The following HSF2BP variants were observed in gnomAD, a reference collection of about 807,000 sequenced individuals.
HSF2BP encodes heat shock transcription factor 2 binding protein.
In HSF2BP, 35 loss-of-function variants were observed where a neutral mutation model predicts 35.0. That is an observed-to-expected ratio of 1.00 (90% CI 0.76 to 1.32). The LOEUF is 1.32. Ranked by LOEUF, HSF2BP falls within the 40% of genes most tolerant of loss-of-function variation. The pLI is 0.00. For missense variants in HSF2BP, 326 were observed against 321.7 expected (o/e 1.01, Z -0.10); for synonymous variants, 114 against 117.4 (o/e 0.97, Z 0.18).
chr21:43,626,100 T>C (rs1486995779), intron 6 of HSF2BP, among the ~76,000 whole-genome samples: 2 of 152,220 alleles, frequency 1.3e-5, no homozygotes, highest in Admixed American at 6.5e-5. Context: ...GTAGGTGCCA[T>C]GATGAACGTA....
rs1177008539 is a variant in HSF2BP at position 43,591,924 on chromosome 21, C to T, written c.796+301G>A. Among the ~76,000 whole-genome samples, 5 of 152,302 alleles carry T rather than the reference C, an allele frequency of 3.3e-5. No homozygotes were observed. In the South Asian group the frequency reaches 8.3e-4, roughly 25 times the overall value. On this transcript the variant is annotated intron_variant, in intron 8 of 8. Transcript: ENST00000291560. ...GGTCAACTGCTGTAGTACCACAGCA[C>T]TGTTGTCCAAGTAACCCTTATTTTA... is the stretch of plus-strand genomic sequence containing the variant.
chr21:43,611,267 T>C (rs948727221), intron 7 of HSF2BP, among the ~76,000 whole-genome samples: 7 of 152,170 alleles, frequency 4.6e-5, no homozygotes, highest in Admixed American at 6.5e-5. Flanking sequence ...TTTTTTTGCA[T>C]ATATGTTACA....
At chr21:43,617,507 A>G (rs899920570) in intron 6 of HSF2BP, among the ~76,000 whole-genome samples, 11 of 150,416 alleles carry the variant, frequency 7.3e-5, no homozygotes, top group Non-Finnish European at 1.5e-4. Flanking sequence ...AATGCCTGTG[A>G]GTCAATTCAA....
chr21:43,604,377 CCACA>C (rs1330940058), intron 7 of HSF2BP, among the ~76,000 whole-genome samples: 1 of 138,890 alleles, frequency 7.2e-6, no homozygotes, highest in Non-Finnish European at 1.6e-5. Flanking sequence ...AGCACGCACA[CCACA>C]CACACACCAC....
intron 3 of HSF2BP, among the ~76,000 whole-genome samples, chr21:43,652,769 ATCCTTCCTTTCTGT>A (rs2082807233): frequency 6.6e-6 from 1 of 152,200 alleles, no homozygotes; most frequent in Non-Finnish European, 1.5e-5. Flanking sequence ...GCCCAATCTG[ATCCTTCCTTTCTGT>A]TAACACCACG....
intron 2 of HSF2BP, 21 bp from the exon 3 acceptor site, chr21:43,656,758 T>G: frequency 6.3e-7 from 1 of 1,597,830 alleles, no homozygotes. Context: ...AAGCAGATCT[T>G]ATTATATTTC....
intron 8 of HSF2BP, among the ~76,000 whole-genome samples, chr21:43,576,236 A>G (rs916797824): frequency 1.3e-5 from 2 of 152,120 alleles, no homozygotes; most frequent in Non-Finnish European, 2.9e-5. Context: ...TCAATTTCTA[A>G]GTGGAAAATA....
At chr21:43,626,366 TA>T (rs919618673) in intron 6 of HSF2BP, among the ~76,000 whole-genome samples, 19 of 148,426 alleles carry the variant, frequency 1.3e-4, no homozygotes, top group East Asian at 3.9e-4. Context: ...AAGATCAATG[TA>T]AAAAAAAAAG....
At chr21:43,638,580 G>A (rs569101240) in intron 4 of HSF2BP, among the ~76,000 whole-genome samples, 10 of 152,286 alleles carry the variant, frequency 6.6e-5, no homozygotes, top group Middle Eastern at 6.8e-3. Flanking sequence ...TGTGTATGCT[G>A]AAAATAATTA....
At chr21:43,657,849 C>G in intron 2 of HSF2BP, 1 of 985,456 alleles carries the variant, frequency 1.0e-6, no homozygotes, top group Non-Finnish European at 1.2e-6. Flanking sequence ...CCTCACAGAC[C>G]GGGTCCCCGC....
At chr21:43,496,188 G>A in the HSF2BP span, among the ~76,000 whole-genome samples, 94 of 122,948 alleles carry the variant, frequency 7.6e-4, 9 homozygotes, top group African/African-American at 2.7e-3. Context: ...ACTAATAAAT[G>A]AATTCAGCAA....
At chr21:43,630,064 C>CA (rs1305418972) in intron 6 of HSF2BP, among the ~76,000 whole-genome samples, 1 of 152,172 alleles carries the variant, frequency 6.6e-6, no homozygotes, top group Non-Finnish European at 1.5e-5. Flanking sequence ...CCTCTACCAG[C>CA]AAAAAATTGT....
intron 8 of HSF2BP, among the ~76,000 whole-genome samples, chr21:43,573,952 T>C (rs1009865451): frequency 7.9e-5 from 12 of 152,174 alleles, no homozygotes; most frequent in Non-Finnish European, 1.6e-4. Context: ...CTTGTCTGCA[T>C]GGGACAAGAG....
chr21:43,626,127 A>T (rs1568923482), intron 6 of HSF2BP, among the ~76,000 whole-genome samples: 1 of 152,234 alleles, frequency 6.6e-6, no homozygotes, highest in Non-Finnish European at 1.5e-5. Context: ...GCTGCCCTGC[A>T]CTGGAGTAAG....
the HSF2BP span, among the ~76,000 whole-genome samples, chr21:43,496,221 CT>C: frequency 2.8e-5 from 3 of 108,496 alleles, no homozygotes; most frequent in Non-Finnish European, 6.1e-5. Context: ...CAAACTCAAC[CT>C]GCAAAAATCA....
intron 5 of HSF2BP, among the ~76,000 whole-genome samples, chr21:43,632,385 C>CCA (rs1239990879): frequency 7.0e-4 from 64 of 90,954 alleles, no homozygotes; most frequent in African/African-American, 2.8e-3. Flanking sequence ...CGCTCCCCCC[C>CCA]CACACACACA....
intron 4 of HSF2BP, among the ~76,000 whole-genome samples, chr21:43,635,664 C>A (rs536846470): frequency 6.6e-6 from 1 of 152,184 alleles, no homozygotes; most frequent in South Asian, 2.1e-4. Flanking sequence ...CACCTACAAT[C>A]CTAGCATTCT....
chr21:43,645,281 G>A (rs1006536278), intron 3 of HSF2BP, among the ~76,000 whole-genome samples: 2 of 152,074 alleles, frequency 1.3e-5, no homozygotes, highest in Admixed American at 6.5e-5. Context: ...ATACAGAGTC[G>A]GCTGGGTTCC....
intron 7 of HSF2BP, among the ~76,000 whole-genome samples, chr21:43,596,323 G>A (rs77567649): frequency 0.041 from 6,219 of 152,048 alleles, 434 homozygotes; most frequent in African/African-American, 0.14. Context: ...AAGAAATTAT[G>A]AGGAAAATTG....
Sources: gnomAD v4.1 joint callset for allele counts (sites outside exome capture counted in the v4.1 genomes callset) on GRCh38, gnomAD v4.1.1 for gene constraint, MANE v1.5 for transcripts, NCBI Gene and HGNC (gene_info 2026-07-23, HGNC 2026-07-21) for gene names.